The following ARHGAP21 variants were observed in gnomAD, a reference collection of about 807,000 sequenced individuals.
ARHGAP21 encodes rho GTPase-activating protein 21.
Under a neutral mutation model 164.6 loss-of-function variants are expected in ARHGAP21, and 38 were observed. The observed-to-expected ratio is 0.23, with a 90% CI of 0.18 to 0.30. The LOEUF (loss-of-function observed/expected upper bound fraction) is 0.30. ARHGAP21 is among the 10% of genes least tolerant of loss of function. The pLI is 1.00. For missense variants in ARHGAP21, 1,822 were observed against 2,370.7 expected (o/e 0.77, Z 4.81); for synonymous variants, 766 against 857.9 (o/e 0.89, Z 1.87).
intron 6 of ARHGAP21, among the ~76,000 whole-genome samples, chr10:24,631,610 G>C (rs1835861690): frequency 6.6e-6 from 1 of 152,078 alleles, no homozygotes; most frequent in African/African-American, 2.4e-5. Context: ...GAGAACCACA[G>C]GTTCAAATAA....
intron 4 of ARHGAP21, among the ~76,000 whole-genome samples, chr10:24,639,323 TGTGC>T (rs759202608): frequency 2.4e-4 from 37 of 152,222 alleles, no homozygotes; most frequent in Non-Finnish European, 3.5e-4. Context: ...ATGATTTGTA[TGTGC>T]CCCCAGTTTA....
rs555388206 is a variant in ARHGAP21 at position 24,644,200 on chromosome 10, C to T, written c.269-9097G>A. On this transcript the variant is annotated intron_variant, in intron 4 of 25. Coordinates refer to ENST00000396432, the MANE Select transcript of ARHGAP21 (RefSeq NM_020824.4). ...TCTTCAGGACCTTGCCACCATAATT[C>T]TCTCTTCTCACATGTAAAACTTCAT... Among the ~76,000 whole-genome samples the T allele has an allele frequency of 6.8e-4, 103 of 152,246 alleles. 1 individual carries two copies. The highest frequency in any genetic ancestry group is 2.4e-3 in the African/African-American group (101 of 41,544).
At chr10:24,627,937 T>C (rs901429291) in intron 7 of ARHGAP21, among the ~76,000 whole-genome samples, 6 of 152,192 alleles carry the variant, frequency 3.9e-5, no homozygotes, top group African/African-American at 1.4e-4. Flanking sequence ...AACCAGTACC[T>C]TCACCTTGGC....
chr10:24,621,986 G>A (rs2367067), intron 8 of ARHGAP21, among the ~76,000 whole-genome samples: 1 of 151,980 alleles, frequency 6.6e-6, no homozygotes, highest in Non-Finnish European at 1.5e-5. Flanking sequence ...AATAAAGGCA[G>A]AAAAACATGA....
chr10:24,593,230 CAGGATTCTTCTAGAG>C (rs2076414689), intron 21 of ARHGAP21, among the ~76,000 whole-genome samples: 2 of 152,124 alleles, frequency 1.3e-5, no homozygotes, highest in Admixed American at 1.3e-4. Context: ...GTGTTGAAGT[CAGGATTCTTCTAGAG>C]AGTTGGCTTG....
intron 4 of ARHGAP21, among the ~76,000 whole-genome samples, chr10:24,649,495 A>G (rs1037068016): frequency 1.3e-5 from 2 of 152,198 alleles, no homozygotes; most frequent in Admixed American, 6.5e-5. Flanking sequence ...TGAACAAAGT[A>G]GGAAAAAGAA....
At chr10:24,720,907 A>C (rs1223525697) in intron 2 of ARHGAP21, among the ~76,000 whole-genome samples, 1 of 152,188 alleles carries the variant, frequency 6.6e-6, no homozygotes, top group African/African-American at 2.4e-5. Context: ...AGTCTATTTA[A>C]AGAACAAATT....
At chr10:24,617,466 A>G (rs1384512513) in intron 9 of ARHGAP21, among the ~76,000 whole-genome samples, 2 of 152,168 alleles carry the variant, frequency 1.3e-5, no homozygotes, top group African/African-American at 4.8e-5. Context: ...TCTATAAAAT[A>G]TCTATTCTAG....
intron 4 of ARHGAP21, among the ~76,000 whole-genome samples, chr10:24,643,879 T>C (rs561772062): frequency 6.6e-6 from 1 of 152,268 alleles, no homozygotes; most frequent in Non-Finnish European, 1.5e-5. Context: ...GTAACCTTCT[T>C]TTTTATTTAT....
At chr10:24,677,600 C>T (rs1841382502) in intron 2 of ARHGAP21, among the ~76,000 whole-genome samples, 1 of 152,158 alleles carries the variant, frequency 6.6e-6, no homozygotes, top group African/African-American at 2.4e-5. Flanking sequence ...CGGAGCATAA[C>T]ATGAGAGACT....
chr10:24,703,622 G>GA (rs1555017587), intron 2 of ARHGAP21, among the ~76,000 whole-genome samples: 1 of 152,134 alleles, frequency 6.6e-6, no homozygotes, highest in Non-Finnish European at 1.5e-5. Context: ...TTACCTTGCA[G>GA]AATTCTCAGT....
In ARHGAP21 at chr10:24,670,247, G is replaced by C; in HGVS notation, c.214C>G (p.Pro72Ala). Residue 72 changes from proline (P) to alanine (A), a missense_variant, in exon 3 of 26, where the codon CCA becomes GCA. Transcript: ENST00000396432. ...TATGAAAATTGAATTGCAGACTCTGGGGGATAAACAATAAAATGTCTTAAT... is the reference window on the plus strand; with the variant it reads ...TATGAAAATTGAATTGCAGACTCTGCGGGATAAACAATAAAATGTCTTAAT... ...FTLRHFIVYPPESAIQFSYKD... is the reference protein window; with the variant it reads ...FTLRHFIVYPAESAIQFSYKD... 1 of 1,597,352 alleles carries C rather than the reference G, an allele frequency of 6.3e-7. No homozygotes were observed. Among genetic ancestry groups the C allele is most frequent in the Non-Finnish European group, 8.5e-7 (1 of 1,171,724 alleles).
At chr10:24,709,341 T>C (rs1844548398) in intron 2 of ARHGAP21, among the ~76,000 whole-genome samples, 1 of 152,012 alleles carries the variant, frequency 6.6e-6, no homozygotes, top group South Asian at 2.1e-4. Flanking sequence ...TACAAAGAAC[T>C]AAAAAGAACT....
intron 9 of ARHGAP21, among the ~76,000 whole-genome samples, chr10:24,611,077 G>A (rs966904689): frequency 6.6e-6 from 1 of 152,160 alleles, no homozygotes; most frequent in Non-Finnish European, 1.5e-5. Context: ...TACAGAGAGT[G>A]TCTATGCTTG....
chr10:24,636,704 G>C (rs1836423205), intron 4 of ARHGAP21, among the ~76,000 whole-genome samples: 4 of 152,146 alleles, frequency 2.6e-5, no homozygotes, highest in Non-Finnish European at 1.5e-5. Context: ...TATTTATTCT[G>C]AAAGACGCCC....
intron 4 of ARHGAP21, among the ~76,000 whole-genome samples, chr10:24,641,050 G>A (rs554025107): frequency 1.4e-4 from 21 of 152,216 alleles, no homozygotes; most frequent in African/African-American, 5.1e-4. Context: ...AAGATGGGTG[G>A]CAAGCATTTA....
chr10:24,584,600 C>T lies in ARHGAP21; in HGVS notation c.5689G>A (p.Gly1897Ser), dbSNP rs2076021965. The change falls in exon 26 of 26, where the codon GGC becomes AGC. Residue 1897 changes from glycine (G) to serine (S), a missense_variant. Around this residue, in one of 5 missense-constraint regions of ARHGAP21, gnomAD observed 165 missense variants for 176.6 expected, o/e 0.93. Transcript: ENST00000396432. ...GAAGCCAAGGTGCTGGAAGAACTGCCTGTGTTGCAATGAAGAGACAAAGGT... is the reference window on the plus strand; with the variant it reads ...GAAGCCAAGGTGCTGGAAGAACTGCTTGTGTTGCAATGAAGAGACAAAGGT... The part of the protein sequence containing the change: ...DTPLSLHCNT[G>S]SSSSTLASTN... 3 of 1,613,750 alleles carry T rather than the reference C, an allele frequency of 1.9e-6. No homozygotes were observed. Among genetic ancestry groups the T allele is most frequent in the South Asian group, 2.2e-5 (2 of 91,074 alleles).
chr10:24,624,261 T>C (rs1262357000), intron 7 of ARHGAP21, among the ~76,000 whole-genome samples: 1 of 151,154 alleles, frequency 6.6e-6, no homozygotes, highest in African/African-American at 2.4e-5. Flanking sequence ...ACAAACTTAC[T>C]CGCCAGGGAA....
At chr10:24,592,156 A>ATTTTT (rs57846258) in intron 21 of ARHGAP21, 144 bp from the exon 22 acceptor site, 16 of 213,702 alleles carry the variant, frequency 7.5e-5, no homozygotes, top group African/African-American at 3.7e-4. Flanking sequence ...TTCTAGCAAG[A>ATTTTT]TTTTTTTTTT....
Sources: gnomAD v4.1 joint callset for allele counts (sites outside exome capture counted in the v4.1 genomes callset) on GRCh38, gnomAD v4.1.1 for gene constraint, gnomAD v4.1.1 regional missense constraint, MANE v1.5 for transcripts, NCBI Gene and HGNC (gene_info 2026-07-23, HGNC 2026-07-21) for gene names.